The following SLC12A6 variants were observed in gnomAD, a reference collection of about 807,000 sequenced individuals.
SLC12A6 encodes solute carrier family 12 member 6.
A neutral mutation model predicts 135.3 loss-of-function variants in SLC12A6; 66 were observed. That is an observed-to-expected ratio of 0.49 (90% CI 0.40 to 0.60). The LOEUF (loss-of-function observed/expected upper bound fraction) is 0.60, where lower values mean the gene tolerates loss of function less well. SLC12A6 is among the 20% of genes least tolerant of loss of function. The pLI, the probability that SLC12A6 is intolerant of heterozygous loss-of-function variation, is 0.00. For synonymous variants in SLC12A6, 513 were observed against 508.8 expected (o/e 1.01, Z -0.11); for missense variants, 1,058 against 1,452.3 (o/e 0.73, Z 4.41).
At position 34,236,084 on chromosome 15, in the gene SLC12A6, T is replaced by G; in HGVS notation, c.3158A>C (p.Lys1053Thr). 1 of 1,614,058 alleles carries G rather than the reference T, an allele frequency of 6.2e-7. No homozygotes were observed. The highest frequency in any genetic ancestry group is 8.5e-7 in the Non-Finnish European group (1 of 1,179,900). ...EKVHMTWTKD[K>T]YMASRGQKAK... The stretch of plus-strand genomic sequence containing the variant: ...TTTTTGTCCCCGGGATGCCATGTAC[T>G]TGTCTTTTGTCCAAGTCATGTGCAC... The change falls in exon 24 of 26, where the codon AAG becomes ACG. Residue 1053 changes from lysine to threonine, a missense_variant. Lys to Thr is a moderately conservative substitution (Grantham distance 78). Around this residue, in one of 6 missense-constraint regions of SLC12A6, gnomAD observed 245 missense variants for 440.8 expected, o/e 0.56. Transcript: ENST00000354181.
chr15:34,326,692 CTT>C (rs10550362), intron 2 of SLC12A6, among the ~76,000 whole-genome samples: 26,013 of 135,238 alleles, frequency 0.19, 2,341 homozygotes, highest in South Asian at 0.23. Flanking sequence ...CATTTTATTA[CTT>C]TTTTTTTTTT....
chr15:34,236,251 T>A (rs1351201123), intron 23 of SLC12A6, 52 bp from the exon 24 acceptor site: 1 of 1,359,960 alleles, frequency 7.4e-7, no homozygotes, highest in East Asian at 2.3e-5. Flanking sequence ...CTCTTATGCT[T>A]CATCTTTGGT....
intron 3 of SLC12A6, among the ~76,000 whole-genome samples, chr15:34,263,068 A>C (rs929990125): frequency 8.5e-5 from 13 of 152,128 alleles, no homozygotes; most frequent in African/African-American, 3.1e-4. Context: ...CCTCAGCATC[A>C]TGCAATATAC....
chr15:34,322,978 C>CAAAAAAAAAAAAAAAAAAAAGAAA (rs1889210378), intron 2 of SLC12A6, among the ~76,000 whole-genome samples: 1 of 39,038 alleles, frequency 2.6e-5, no homozygotes, highest in Non-Finnish European at 5.0e-5. Context: ...AACTCTGTCT[C>CAAAAAAAAAAAAAAAAAAAAGAAA]AAAAAAAAAA....
intron 2 of SLC12A6, among the ~76,000 whole-genome samples, chr15:34,279,980 A>G (rs976491157): frequency 7.2e-5 from 11 of 152,212 alleles, no homozygotes; most frequent in African/African-American, 2.7e-4. Flanking sequence ...GTAAGAATGA[A>G]GATTTTAGTT....
At chr15:34,236,947 T>C (rs1891308649) in intron 22 of SLC12A6, 132 bp from the exon 23 acceptor site, 1 of 692,854 alleles carries the variant, frequency 1.4e-6, no homozygotes, top group Admixed American at 2.0e-5. Flanking sequence ...TCACCCTTAC[T>C]TTGTTTAGTC....
intron 2 of SLC12A6, among the ~76,000 whole-genome samples, chr15:34,301,400 T>C (rs1896247717): frequency 6.6e-6 from 1 of 152,148 alleles, no homozygotes; most frequent in African/African-American, 2.4e-5. Context: ...AGGATGAACT[T>C]TCCTAAAAGC....
intron 2 of SLC12A6, chr15:34,318,784 C>A: frequency 3.2e-6 from 5 of 1,579,556 alleles, no homozygotes; most frequent in Non-Finnish European, 4.3e-6. Context: ...TGATCCCTGC[C>A]TACAAGAGAC....
intron 2 of SLC12A6, among the ~76,000 whole-genome samples, chr15:34,315,848 A>G (rs1386809255): frequency 1.3e-5 from 2 of 151,434 alleles, no homozygotes; most frequent in African/African-American, 2.4e-5. Context: ...GTGTGGTGGC[A>G]TGTGCCTGTA....
In SLC12A6 at chr15:34,233,852, A is replaced by G; in HGVS notation, c.*29T>C. On this transcript the variant is annotated 3_prime_UTR_variant, in exon 26 of 26. Transcript: ENST00000354181. ...TGGAGGACGTAGGCCTTTTAAGAAAACAGGTCAAGCACGGTCATTCAGAGT... is the reference window on the plus strand; with the variant it reads ...TGGAGGACGTAGGCCTTTTAAGAAAGCAGGTCAAGCACGGTCATTCAGAGT... 7.9e-7 allele frequency: 1 copy of G among 1,259,310 alleles called. No homozygotes were observed. Among genetic ancestry groups the G allele is most frequent in the Non-Finnish European group, 1.2e-6 (1 of 855,590 alleles). The allele number at this position is 1,259,310 out of a possible 1,614,324, so 78.0% of individuals were successfully genotyped here. A position where few individuals can be genotyped will look rare whatever the true frequency, so the allele number is the denominator to read the frequency against.
intron 17 of SLC12A6, 43 bp downstream of exon 17, chr15:34,242,059 T>A: frequency 3.9e-6 from 6 of 1,529,752 alleles, no homozygotes; most frequent in Non-Finnish European, 5.4e-6. Flanking sequence ...AACTAGCTAG[T>A]CTTGCTACTT....
rs1833487278 is a variant in SLC12A6 at position 34,230,683 on chromosome 15, A to C, written c.*3198T>G. The C allele has an allele frequency of 6.6e-6, 1 of 152,612 alleles. No homozygotes were observed. The highest frequency in any genetic ancestry group is 2.4e-5 in the African/African-American group (1 of 41,442). The allele number at this position is 152,612 out of a possible 1,614,324, so 9.5% of individuals were successfully genotyped here. ...CCTTCCCCTAAGGTGCATTCTCTCA[A>C]GTTTTCAGTATTGCTTTATTTGCAG... On this transcript the variant is annotated 3_prime_UTR_variant, in exon 26 of 26. Transcript: ENST00000354181.
chr15:34,331,508 G>T (rs752372600), intron 2 of SLC12A6, among the ~76,000 whole-genome samples: 1 of 152,274 alleles, frequency 6.6e-6, no homozygotes, highest in Admixed American at 6.5e-5. Flanking sequence ...CACTACTCTC[G>T]TACATACATT....
At chr15:34,258,507 C>G (rs545103643) in intron 5 of SLC12A6, among the ~76,000 whole-genome samples, 16 of 152,240 alleles carry the variant, frequency 1.1e-4, no homozygotes, top group Non-Finnish European at 2.2e-4. Flanking sequence ...GCAACGCCCT[C>G]CACTCTGGAT....
At chr15:34,252,728 T>C (rs1189039354) in intron 9 of SLC12A6, among the ~76,000 whole-genome samples, 1 of 152,224 alleles carries the variant, frequency 6.6e-6, no homozygotes, top group African/African-American at 2.4e-5. Flanking sequence ...GGAAGTCAAA[T>C]TGAAGAACTG....
intron 3 of SLC12A6, 61 bp downstream of exon 3, chr15:34,275,284 G>T: frequency 1.2e-6 from 1 of 852,886 alleles, no homozygotes; most frequent in Non-Finnish European, 2.0e-6. Context: ...AGTAATGTCT[G>T]TTAGGATAAA....
chr15:34,299,681 A>G (rs1230660263), intron 2 of SLC12A6: 1 of 152,254 alleles, frequency 6.6e-6, no homozygotes, highest in Non-Finnish European at 1.5e-5. Flanking sequence ...AAGAGGATGG[A>G]ATAAATGTGT....
At position 34,336,578 on chromosome 15, in the gene SLC12A6, G is replaced by A. The variant is rs1454226326; in HGVS notation, c.103C>T (p.Leu35Phe). The A allele has an allele frequency of 6.2e-7, 1 of 1,613,854 alleles. No homozygotes were observed. The highest frequency in any genetic ancestry group is 8.5e-7 in the Non-Finnish European group (1 of 1,179,838). The change falls in exon 2 of 26, where the codon CTC becomes TTC. Residue 35 changes from leucine to phenylalanine, a missense_variant. By Grantham distance (22) the Leu-to-Phe change is conservative. Transcript: ENST00000354181. ...ACTCGGGAACTAGATCGAGAGCTGA[G>A]GTCCGGACTGGTGTCTGACAAACCT... Reference protein sequence around the residue: ...IPGLSDTSPDLSSRSSSRVRF... With the variant: ...IPGLSDTSPDFSSRSSSRVRF...
At chr15:34,310,003 A>ATTTTTTTTTT (rs1257406888) in intron 2 of SLC12A6, among the ~76,000 whole-genome samples, 3 of 146,622 alleles carry the variant, frequency 2.0e-5, no homozygotes, top group African/African-American at 7.9e-5. Context: ...AAAAGAGATA[A>ATTTTTTTTTT]TCTTTTTTTT....
Sources: allele counts gnomAD v4.1 joint callset (sites outside exome capture counted in the v4.1 genomes callset), GRCh38; gene constraint gnomAD v4.1.1; regional missense constraint gnomAD v4.1.1; transcripts MANE v1.5; gene names NCBI Gene and HGNC (gene_info 2026-07-23, HGNC 2026-07-21).